Variants in XKR4 observed in about 807,000 individuals in gnomAD.
The protein encoded by XKR4 is XK related 4, also known as XK-related protein 4.
A neutral mutation model predicts 53.9 loss-of-function variants in XKR4; 12 were observed. The ratio of observed to expected loss-of-function variants is 0.22; its 90% confidence interval spans 0.14 to 0.36. The LOEUF (loss-of-function observed/expected upper bound fraction) is 0.36, where lower values mean the gene tolerates loss of function less well. Ranked by LOEUF, XKR4 falls within the 10% of genes least tolerant of loss-of-function variation. XKR4 has a pLI of 1.00. For synonymous variants in XKR4, 354 were observed against 362.4 expected, an observed-to-expected ratio of 0.98 and a Z score of 0.26; for missense variants, 799 against 859.5, an observed-to-expected ratio of 0.93 and a Z score of 0.88.
intron 2 of XKR4, among the ~76,000 whole-genome samples, chr8:55,483,692 A>G (rs1466168112): frequency 3.3e-5 from 5 of 152,140 alleles, no homozygotes; most frequent in African/African-American, 1.2e-4. Flanking sequence ...AATGTATGGG[A>G]CACAGGTATA....
intron 1 of XKR4, among the ~76,000 whole-genome samples, chr8:55,111,026 C>T (rs963181320): frequency 7.9e-5 from 12 of 151,942 alleles, no homozygotes; most frequent in East Asian, 3.9e-4. Context: ...CTAAAATAGA[C>T]GGAGAGGGTC....
chr8:55,140,795 C>T lies in XKR4; in HGVS notation c.806+37501C>T, dbSNP rs142913919. Among the ~76,000 whole-genome samples, 490 of 152,226 alleles carry T rather than the reference C, an allele frequency of 3.2e-3. 3 individuals are homozygous for T. The highest frequency in any genetic ancestry group is 0.011 in the African/African-American group (452 of 41,540). On this transcript the variant is annotated intron_variant, in intron 1 of 2. Coordinates refer to ENST00000327381, the MANE Select transcript of XKR4 (RefSeq NM_052898.2). Reference sequence around the variant, plus strand: ...AGGACCTCAGCTTGGTGATGAAGGGCGCCTTGCCCATCAACTGTGGCCTAT... The same window carrying T: ...AGGACCTCAGCTTGGTGATGAAGGGTGCCTTGCCCATCAACTGTGGCCTAT...
intron 2 of XKR4, among the ~76,000 whole-genome samples, chr8:55,507,037 GTTTC>G (rs1806541855): frequency 6.6e-6 from 1 of 151,850 alleles, no homozygotes; most frequent in South Asian, 2.1e-4. Context: ...ACTGAGATAT[GTTTC>G]TTTATGATTA....
chr8:55,527,650 C>T lies in XKR4; in HGVS notation c.*3423C>T, dbSNP rs143189006. ...CTTTGCTTATTTACTTAACTACATACTGTCTAGTTCAATAGCACTGACTTT... is the reference window on the plus strand; with the variant it reads ...CTTTGCTTATTTACTTAACTACATATTGTCTAGTTCAATAGCACTGACTTT... On this transcript the variant is annotated 3_prime_UTR_variant, in exon 3 of 3. Transcript: ENST00000327381. 34 of 152,326 alleles carry T rather than the reference C, an allele frequency of 2.2e-4. No individual in the cohort carries two copies. The highest frequency in any genetic ancestry group is 4.6e-4 in the Non-Finnish European group (31 of 68,032). 9.4% of individuals were successfully genotyped at this position (152,326 alleles called of 1,614,324 possible). A position where few individuals can be genotyped will look rare whatever the true frequency, so the allele number is the denominator to read the frequency against.
At chr8:55,161,477 T>C in intron 1 of XKR4, 1 of 453,842 alleles carries the variant, frequency 2.2e-6, no homozygotes, top group Non-Finnish European at 4.4e-6. Context: ...GGCTGGGCAG[T>C]GATGGGTCCT....
rs1194369562 is a variant in XKR4, at chr8:55,530,826, A to G, written c.*6599A>G. 3 of 152,188 alleles carry G rather than the reference A, an allele frequency of 2.0e-5. No individual in the cohort carries two copies. The highest frequency in any genetic ancestry group is 4.4e-5 in the Non-Finnish European group (3 of 68,038). The allele number at this position is 152,188 out of a possible 1,614,324, so 9.4% of individuals were successfully genotyped here. A position where few individuals can be genotyped will look rare whatever the true frequency, so the allele number is the denominator to read the frequency against. ...GAGACAACTGAGATCCAAAAAGAAC[A>G]GGTAATTTTTGTGATCAGGATTACA... is the stretch of plus-strand genomic sequence containing the variant. On this transcript the variant is annotated 3_prime_UTR_variant, in exon 3 of 3. Transcript: ENST00000327381.
Position 55,446,867 on chromosome 8 carries a change from T to A in XKR4, c.1007-76414T>A, listed in dbSNP as rs576293029. Among the ~76,000 whole-genome samples, 10 of 152,266 alleles carry A rather than the reference T, an allele frequency of 6.6e-5. No individual in the cohort carries two copies. In the East Asian group the frequency reaches 7.7e-4, roughly 12 times the overall value. On this transcript the variant is annotated intron_variant, in intron 2 of 2. Coordinates refer to ENST00000327381, the MANE Select transcript of XKR4 (RefSeq NM_052898.2). ...TGGACGTTTGCAGAGTGGAAGATAGTCTTCAAAGAGCAAACCCTTACAGAA... is the reference window on the plus strand; with the variant it reads ...TGGACGTTTGCAGAGTGGAAGATAGACTTCAAAGAGCAAACCCTTACAGAA...
chr8:55,450,110 G>A (rs1585579265), intron 2 of XKR4: 5 of 705,566 alleles, frequency 7.1e-6, no homozygotes, highest in South Asian at 2.8e-5. Context: ...TCCTTCCAGC[G>A]CTTAGCGGGT....
intron 1 of XKR4, among the ~76,000 whole-genome samples, chr8:55,126,531 A>G (rs1182620493): frequency 6.6e-6 from 1 of 152,250 alleles, no homozygotes; most frequent in Non-Finnish European, 1.5e-5. Context: ...GATGCAAAAA[A>G]TACAATTTAG....
chr8:55,362,926 A>G (rs767137766), intron 2 of XKR4, among the ~76,000 whole-genome samples: 1 of 152,204 alleles, frequency 6.6e-6, no homozygotes, highest in Non-Finnish European at 1.5e-5. Flanking sequence ...GATGCTCTCA[A>G]TGAGGGTGTA....
At chr8:55,177,335 C>T (rs1434274549) in intron 1 of XKR4, among the ~76,000 whole-genome samples, 2 of 152,188 alleles carry the variant, frequency 1.3e-5, no homozygotes, top group Non-Finnish European at 2.9e-5. Context: ...CCATGCCTGA[C>T]CACTTCTTAA....
At chr8:55,271,839 G>A (rs76668943) in intron 1 of XKR4, among the ~76,000 whole-genome samples, 1 of 152,300 alleles carries the variant, frequency 6.6e-6, no homozygotes, top group East Asian at 1.9e-4. Flanking sequence ...TAGCTTCCTG[G>A]ACTGTCTCTA....
At chr8:55,470,019 G>T (rs1033879986) in intron 2 of XKR4, among the ~76,000 whole-genome samples, 3 of 152,114 alleles carry the variant, frequency 2.0e-5, no homozygotes, top group Admixed American at 1.3e-4. Flanking sequence ...TGCCATGATA[G>T]AAATGGTGCA....
At chr8:55,120,632 T>TC in intron 1 of XKR4, among the ~76,000 whole-genome samples, 2 of 152,074 alleles carry the variant, frequency 1.3e-5, no homozygotes, top group African/African-American at 4.8e-5. Flanking sequence ...TATGCCCTCT[T>TC]CCCCTTCTCC....
Position 55,529,671 on chromosome 8 carries a change from A to G in XKR4, c.*5444A>G, listed in dbSNP as rs1317733425. 1.3e-5 allele frequency: 2 copies of G among 152,200 alleles called. No homozygotes were observed. The highest frequency in any genetic ancestry group is 6.5e-5 in the Admixed American group (1 of 15,272). 9.4% of individuals were successfully genotyped at this position (152,200 alleles called of 1,614,324 possible). On this transcript the variant is annotated 3_prime_UTR_variant, in exon 3 of 3. Transcript: ENST00000327381. Reference sequence around the variant, plus strand: ...GGCTGAGGGTTGAGCACAGCTTTCAACAACTGCGACTTCTGGGAGCCCAGT... The same window carrying G: ...GGCTGAGGGTTGAGCACAGCTTTCAGCAACTGCGACTTCTGGGAGCCCAGT...
At chr8:55,467,304 G>A in intron 2 of XKR4, among the ~76,000 whole-genome samples, 1 of 152,154 alleles carries the variant, frequency 6.6e-6, no homozygotes, top group East Asian at 1.9e-4. Flanking sequence ...GGTTAGACCA[G>A]CCCCACTGAG....
At position 55,289,641 on chromosome 8, in the gene XKR4, GAAAGA is replaced by G. The variant is rs1554516121; in HGVS notation, c.807-68034_807-68030del. Among the ~76,000 whole-genome samples the G allele has an allele frequency of 2.9e-3, 333 of 113,988 alleles. 3 individuals are homozygous for G. Among genetic ancestry groups the G allele is most frequent in the African/African-American group, 9.9e-3 (278 of 28,084 alleles). 74.8% of individuals were successfully genotyped at this position (113,988 alleles called of 152,430 possible). On this transcript the variant is annotated intron_variant, in intron 1 of 2. Coordinates refer to ENST00000327381, the MANE Select transcript of XKR4 (RefSeq NM_052898.2). Reference sequence around the variant, plus strand: ...AGAAAGAAAGAAAGAAAGAAAGAAAGAAAGAAAGGAAGGAAGGAAAAGAAAAGAAA... The same window carrying G: ...AGAAAGAAAGAAAGAAAGAAAGAAAGAAGGAAGGAAGGAAAAGAAAAGAAA...
chr8:55,142,121 A>C (rs752723376), intron 1 of XKR4: 23 of 455,524 alleles, frequency 5.0e-5, no homozygotes, highest in Non-Finnish European at 8.4e-5. Context: ...TCTCCTCCCT[A>C]CCTCCATTCT....
intron 1 of XKR4, among the ~76,000 whole-genome samples, chr8:55,141,178 T>A (rs182962603): frequency 6.6e-5 from 10 of 152,164 alleles, no homozygotes; most frequent in African/African-American, 2.2e-4. Flanking sequence ...TCTATTTCTA[T>A]AAATTGTGCG....
Sources: gnomAD v4.1 joint callset for allele counts (sites outside exome capture counted in the v4.1 genomes callset) on GRCh38, gnomAD v4.1.1 for gene constraint, MANE v1.5 for transcripts, NCBI Gene and HGNC (gene_info 2026-07-23, HGNC 2026-07-21) for gene names.